Variants in GULP1 observed in about 807,000 individuals in gnomAD.
GULP1 encodes the protein GULP PTB domain containing engulfment adaptor 1, also known as PTB domain-containing engulfment adapter protein 1.
In GULP1, 19 loss-of-function variants were observed where a neutral mutation model predicts 40.9. The ratio of observed to expected loss-of-function variants is 0.46; its 90% CI spans 0.32 to 0.68. GULP1 has a LOEUF of 0.68. Ranked by LOEUF, GULP1 falls within the 30% of genes least tolerant of loss-of-function variation. The probability of loss-of-function intolerance (pLI) is 0.03; values close to 1 mark genes in which losing one functional copy is unlikely to be tolerated. For missense variants in GULP1, 312 were observed against 362.2 expected (o/e 0.86, Z 1.12); for synonymous variants, 119 against 117.6 (o/e 1.01, Z -0.08).
At chr2:188,496,687 A>G (rs949646299) in intron 4 of GULP1, among the ~76,000 whole-genome samples, 1 of 152,008 alleles carries the variant, frequency 6.6e-6, no homozygotes, top group Non-Finnish European at 1.5e-5. Context: ...TAAAACAGAC[A>G]TTATAATTGA....
At chr2:188,574,062 A>G (rs1699684101) in intron 9 of GULP1, among the ~76,000 whole-genome samples, 1 of 152,184 alleles carries the variant, frequency 6.6e-6, no homozygotes, top group Non-Finnish European at 1.5e-5. Context: ...ATGTTCTAAA[A>G]TATCTGGATA....
At chr2:188,308,879 A>G (rs890754175) in intron 1 of GULP1, among the ~76,000 whole-genome samples, 2 of 152,126 alleles carry the variant, frequency 1.3e-5, no homozygotes, top group Non-Finnish European at 2.9e-5. Context: ...AAAAGAGAGT[A>G]TCTGCCGTGG....
chr2:188,539,832 A>G (rs912969430), intron 6 of GULP1, among the ~76,000 whole-genome samples: 2 of 152,118 alleles, frequency 1.3e-5, no homozygotes, highest in African/African-American at 4.8e-5. Flanking sequence ...AAGCTGACAC[A>G]TCAAACTCTG....
chr2:188,317,755 A>T (rs2039327051), intron 1 of GULP1, among the ~76,000 whole-genome samples: 1 of 151,810 alleles, frequency 6.6e-6, no homozygotes, highest in South Asian at 2.1e-4. Flanking sequence ...AAAATATTAT[A>T]AACATGTATT....
At chr2:188,574,780 A>G (rs1699834618) in intron 9 of GULP1, among the ~76,000 whole-genome samples, 1 of 152,212 alleles carries the variant, frequency 6.6e-6, no homozygotes, top group Admixed American at 6.5e-5. Context: ...ATTCAAATCT[A>G]CCAAATCGTC....
chr2:188,365,687 A>G (rs1387297087), intron 1 of GULP1, among the ~76,000 whole-genome samples: 2 of 152,174 alleles, frequency 1.3e-5, no homozygotes, highest in Non-Finnish European at 2.9e-5. Context: ...AAGGCACGGT[A>G]AAGATAGTCC....
intron 2 of GULP1, among the ~76,000 whole-genome samples, chr2:188,442,948 G>A (rs535470644): frequency 1.2e-4 from 18 of 152,200 alleles, no homozygotes; most frequent in Admixed American, 5.2e-4. Flanking sequence ...AGTTATCAAG[G>A]AAACAAAATA....
At chr2:188,519,247 A>C (rs1575741676) in intron 4 of GULP1, among the ~76,000 whole-genome samples, 1 of 152,320 alleles carries the variant, frequency 6.6e-6, no homozygotes, top group African/African-American at 2.4e-5. Flanking sequence ...ATTAAAGCTA[A>C]TGTGAAATAA....
In GULP1 at chr2:188,593,972, C is replaced by T; in HGVS notation, c.876C>T (p.Gly292=). Residue 292 remains glycine, a synonymous_variant, in exon 12 of 12, where the codon GGC becomes GGT. Coordinates refer to ENST00000409830, the MANE Select transcript of GULP1 (RefSeq NM_016315.4). ...EGFKMGLTLE[G]TVFCLDPLDS... Reference sequence around the variant, plus strand: ...TCAAAATGGGACTAACTCTTGAAGGCACAGTATTTTGTCTCGACCCGTTAG... The same window carrying T: ...TCAAAATGGGACTAACTCTTGAAGGTACAGTATTTTGTCTCGACCCGTTAG... 1 of 1,599,864 alleles carries T rather than the reference C, an allele frequency of 6.3e-7. No homozygotes were observed. Among genetic ancestry groups the T allele is most frequent in the African/African-American group, 1.3e-5 (1 of 74,706 alleles).
intron 6 of GULP1, among the ~76,000 whole-genome samples, chr2:188,540,484 G>T (rs1395056487): frequency 6.6e-6 from 1 of 150,896 alleles, no homozygotes; most frequent in Non-Finnish European, 1.5e-5. Flanking sequence ...CAACTATATC[G>T]ATCTGGTTGC....
intron 7 of GULP1, among the ~76,000 whole-genome samples, chr2:188,557,748 A>G (rs896013734): frequency 2.0e-5 from 3 of 152,314 alleles, no homozygotes; most frequent in Middle Eastern, 3.4e-3. Context: ...GGGGTGTCTA[A>G]TGAGGGCTCC....
At chr2:188,380,768 G>C (rs2152494043) in intron 1 of GULP1, among the ~76,000 whole-genome samples, 1 of 152,220 alleles carries the variant, frequency 6.6e-6, no homozygotes, top group South Asian at 2.1e-4. Context: ...TATTTCATAT[G>C]ATGACAAGTA....
At chr2:188,347,754 C>T (rs781302268) in intron 1 of GULP1, among the ~76,000 whole-genome samples, 2 of 152,012 alleles carry the variant, frequency 1.3e-5, no homozygotes, top group Non-Finnish European at 1.5e-5. Context: ...ATTGGGACTA[C>T]AGGCACATGC....
intron 4 of GULP1, among the ~76,000 whole-genome samples, chr2:188,499,177 T>G (rs886229024): frequency 7.1e-6 from 1 of 140,726 alleles, no homozygotes; most frequent in East Asian, 2.0e-4. Context: ...ATATGAACTC[T>G]GCATTTACTG....
chr2:188,368,932 T>TAC (rs1383814744), intron 1 of GULP1, among the ~76,000 whole-genome samples: 2 of 40,108 alleles, frequency 5.0e-5, no homozygotes, highest in Admixed American at 3.8e-4. Flanking sequence ...TGTATATATA[T>TAC]ATGTGTGTAT....
chr2:188,408,049 CAT>C (rs1217531757), intron 2 of GULP1, among the ~76,000 whole-genome samples: 2 of 152,108 alleles, frequency 1.3e-5, no homozygotes, highest in African/African-American at 4.8e-5. Flanking sequence ...TCCCCAAATT[CAT>C]ATGTTTACTG....
intron 6 of GULP1, among the ~76,000 whole-genome samples, chr2:188,531,316 G>A (rs879462590): frequency 6.6e-6 from 1 of 152,100 alleles, no homozygotes; most frequent in Non-Finnish European, 1.5e-5. Flanking sequence ...ATGGAATAGC[G>A]ACATAAAAAT....
intron 11 of GULP1, chr2:188,590,684 G>C (rs1032437476): frequency 6.6e-6 from 1 of 152,102 alleles, no homozygotes; most frequent in East Asian, 1.9e-4. Context: ...TATTTGATTT[G>C]ACATAATTTA....
intron 2 of GULP1, among the ~76,000 whole-genome samples, chr2:188,429,036 A>G (rs769320998): frequency 6.6e-6 from 1 of 152,144 alleles, no homozygotes; most frequent in Non-Finnish European, 1.5e-5. Context: ...CAAAGAACAT[A>G]TTATATTGTT....
Sources: allele counts gnomAD v4.1 joint callset (sites outside exome capture counted in the v4.1 genomes callset), GRCh38; gene constraint gnomAD v4.1.1; transcripts MANE v1.5; gene names NCBI Gene and HGNC (gene_info 2026-07-23, HGNC 2026-07-21).